Variants in ATP7B observed in about 807,000 individuals in gnomAD.
The protein encoded by ATP7B is copper-transporting ATPase 2.
Under a neutral mutation model 118.9 loss-of-function variants are expected in ATP7B, and 113 were observed. The observed-to-expected ratio is 0.95, with a 90% CI of 0.82 to 1.11. The LOEUF (loss-of-function observed/expected upper bound fraction) is 1.11, where lower values mean the gene tolerates loss of function less well. ATP7B is among the 50% of genes most tolerant of loss of function. ATP7B has a pLI of 0.00. For missense variants in ATP7B, 1,867 were observed against 1,871.4 expected, an observed-to-expected ratio of 1.00 and a Z score of 0.04; for synonymous variants, 777 against 727.4, an observed-to-expected ratio of 1.07 and a Z score of -1.10.
At chr13:51,995,369 T>C (rs138928979) in intron 1 of ATP7B, 2 of 984,566 alleles carry the variant, frequency 2.0e-6, no homozygotes, top group Non-Finnish European at 2.4e-6. Flanking sequence ...AAATTCTCCT[T>C]CCTCTGACGG....
At chr13:51,992,829 T>C (rs1267721810) in intron 1 of ATP7B, among the ~76,000 whole-genome samples, 1 of 151,372 alleles carries the variant, frequency 6.6e-6, no homozygotes, top group Non-Finnish European at 1.5e-5. Flanking sequence ...AACACAAAAA[T>C]TAGCTAGGTA....
chr13:51,944,283 A>G lies in ATP7B; in HGVS notation c.3069T>C (p.Thr1023=), dbSNP rs187343742. The G allele has an allele frequency of 4.0e-4, 638 of 1,613,958 alleles. No individual in the cohort carries two copies. The highest frequency in any genetic ancestry group is 5.1e-4 in the Non-Finnish European group (600 of 1,180,004). ...TGGTGCCAGTCTTGTCAAACATCAC[A>G]GTCTTTATCTGCCAAAAACAACCAC... The part of the protein sequence containing the change: ...KPLEMAHKIK[T]VMFDKTGTIT... The change falls in exon 14 of 21, where the codon ACT becomes ACC. Residue 1023 remains threonine (T), a synonymous_variant. Transcript: ENST00000242839.
In ATP7B at chr13:51,946,407, C is replaced by G. The variant is rs1263774209; in HGVS notation, c.2937G>C (p.Leu979=). The change falls in exon 13 of 21, where the codon CTG becomes CTC. Residue 979 remains leucine (L), a synonymous_variant. Coordinates refer to ENST00000242839, the MANE Select transcript of ATP7B (RefSeq NM_000053.4). The part of the protein sequence containing the change: ...RFAFQTSITV[L]CIACPCSLGL... ...CCAGGGAGCAGGGGCAGGCAATGCACAGCACCGTGATGGACGTCTGGAAAG... is the reference window on the plus strand; with the variant it reads ...CCAGGGAGCAGGGGCAGGCAATGCAGAGCACCGTGATGGACGTCTGGAAAG... The G allele has an allele frequency of 6.2e-7, 1 of 1,614,144 alleles. No homozygotes were observed. Among genetic ancestry groups the G allele is most frequent in the South Asian group, 1.1e-5 (1 of 91,064 alleles).
chr13:52,009,392 G>A (rs1953919770), intron 1 of ATP7B, among the ~76,000 whole-genome samples: 1 of 152,098 alleles, frequency 6.6e-6, no homozygotes, highest in Admixed American at 6.6e-5. Context: ...CTCCCTGAGG[G>A]CTGCTACCTG....
Position 51,950,298 on chromosome 13 carries a change from G to A in ATP7B, c.2549C>T (p.Thr850Ile), listed in dbSNP as rs777629392. ...TGTGATGAGGGACTCATCAGCCATGGTATTGCCTTCCAGGACTTTCCCATC... is the reference window on the plus strand; with the variant it reads ...TGTGATGAGGGACTCATCAGCCATGATATTGCCTTCCAGGACTTTCCCATC... ...PVDGKVLEGNTMADESLITGE... is the reference protein window; with the variant it reads ...PVDGKVLEGNIMADESLITGE... The change falls in exon 10 of 21, where the codon ACC (threonine) becomes ATC (isoleucine). Residue 850 changes from threonine to isoleucine, a missense_variant. Thr to Ile is a moderately conservative substitution (Grantham distance 89). Transcript: ENST00000242839. 5 of 1,614,024 alleles carry A rather than the reference G, an allele frequency of 3.1e-6. No homozygotes were observed. In the East Asian group the frequency reaches 8.9e-5, roughly 29 times the overall value.
intron 17 of ATP7B, among the ~76,000 whole-genome samples, 153 bp from the exon 18 acceptor site, chr13:51,937,832 A>C (rs1458873959): frequency 6.6e-6 from 1 of 152,200 alleles, no homozygotes; most frequent in African/African-American, 2.4e-5. Context: ...TCACAGGGCC[A>C]GTTTATCCCT....
At chr13:51,963,483 C>T (rs1935143824) in intron 5 of ATP7B, among the ~76,000 whole-genome samples, 1 of 152,050 alleles carries the variant, frequency 6.6e-6, no homozygotes, top group Admixed American at 6.6e-5. Context: ...TGCCTGTAAT[C>T]CCACCACTTT....
intron 9 of ATP7B, among the ~76,000 whole-genome samples, chr13:51,956,621 G>A (rs1233846966): frequency 6.6e-6 from 1 of 152,178 alleles, no homozygotes; most frequent in African/African-American, 2.4e-5. Context: ...GGGAACTGGA[G>A]GGTTTCCATC....
rs963645460 is a variant in ATP7B at position 51,986,373 on chromosome 13, C to G, written c.52-11205G>C. On this transcript the variant is annotated intron_variant, in intron 1 of 20. Transcript: ENST00000242839. ...TCCAAAGTCTAAACTAGGAAGAAGT[C>G]GAATCCCTGAATAGACAAATAACAA... Among the ~76,000 whole-genome samples, 3 of 152,050 alleles carry G rather than the reference C, an allele frequency of 2.0e-5. 1 individual carries two copies. The highest frequency in any genetic ancestry group is 2.0e-4 in the Admixed American group (3 of 15,254).
Position 51,934,641 on chromosome 13 carries a change from G to C in ATP7B, c.*115C>G. Reference sequence around the variant, plus strand: ...GGGCAGGATGACTGGACATATCCAGGGAGCGGAAGTCCCCAAAGCTGGAGG... The same window carrying C: ...GGGCAGGATGACTGGACATATCCAGCGAGCGGAAGTCCCCAAAGCTGGAGG... On this transcript the variant is annotated 3_prime_UTR_variant, in exon 21 of 21. Coordinates refer to ENST00000242839, the MANE Select transcript of ATP7B (RefSeq NM_000053.4). 6 of 1,498,126 alleles carry C rather than the reference G, an allele frequency of 4.0e-6. No homozygotes were observed. Among genetic ancestry groups the C allele is most frequent in the Non-Finnish European group, 5.5e-6 (6 of 1,096,910 alleles). 92.8% of individuals were successfully genotyped at this position (1,498,126 alleles called of 1,614,324 possible).
chr13:51,974,433 T>C lies in ATP7B; in HGVS notation c.787A>G (p.Ile263Val). 1.9e-6 allele frequency: 3 copies of C among 1,614,054 alleles called. No individual in the cohort carries two copies. Among genetic ancestry groups the C allele is most frequent in the Non-Finnish European group, 1.7e-6 (2 of 1,180,028 alleles). The change falls in exon 2 of 21, where the codon ATA becomes GTA. Residue 263 changes from isoleucine (I) to valine (V), a missense_variant. Coordinates refer to ENST00000242839, the MANE Select transcript of ATP7B (RefSeq NM_000053.4). The stretch of plus-strand genomic sequence containing the variant: ...CAAGACTTACAATGCATTCCATCTA[T>C]TCTCAGTTGGAGGGTGACCACATGG... ...GSHVVTLQLR[I>V]DGMHCKSCVL...
intron 1 of ATP7B, among the ~76,000 whole-genome samples, chr13:51,998,010 C>T (rs1301122650): frequency 1.3e-5 from 2 of 152,170 alleles, no homozygotes; most frequent in African/African-American, 2.4e-5. Flanking sequence ...AGTCCAAACT[C>T]CTCTTTCTAG....
intron 9 of ATP7B, among the ~76,000 whole-genome samples, chr13:51,954,018 T>C (rs1490679181): frequency 1.3e-5 from 2 of 152,130 alleles, no homozygotes; most frequent in Non-Finnish European, 2.9e-5. Flanking sequence ...CATGTTTACA[T>C]CCCAGGGTGG....
chr13:51,943,484 T>C (rs1186651579), intron 14 of ATP7B, among the ~76,000 whole-genome samples: 1 of 152,224 alleles, frequency 6.6e-6, no homozygotes, highest in African/African-American at 2.4e-5. Flanking sequence ...CCTTTCTACA[T>C]TTACTGCTAA....
chr13:51,946,324 A>T lies in ATP7B; in HGVS notation c.3020T>A (p.Ile1007Asn). 1 of 1,604,322 alleles carries T rather than the reference A, an allele frequency of 6.2e-7. No individual in the cohort carries two copies. Among genetic ancestry groups the T allele is most frequent in the Non-Finnish European group, 8.5e-7 (1 of 1,175,986 alleles). ...CAGGGGCTTGCCTCCCTTGATGAGG[A>T]TGCCGTTCTGCGCGGCCACCCCGGT... ...VGTGVAAQNG[I>N]LIKGGKPLEM... The change falls in exon 13 of 21, where the codon ATC becomes AAC. Residue 1007 changes from isoleucine to asparagine, a missense_variant. Transcript: ENST00000242839.
chr13:52,011,939 C>A (rs1252361474), upstream of ATP7B: 4 of 299,816 alleles, frequency 1.3e-5, no homozygotes, highest in Non-Finnish European at 1.9e-5. Flanking sequence ...CTCTGCGCTG[C>A]CCCCTCCTCG....
intron 15 of ATP7B, 86 bp from the exon 16 acceptor site, chr13:51,941,310 T>G: frequency 6.6e-7 from 1 of 1,526,536 alleles, no homozygotes; most frequent in African/African-American, 1.4e-5. Flanking sequence ...CAGCAAAATA[T>G]CCTTTTAACC....
intron 1 of ATP7B, among the ~76,000 whole-genome samples, chr13:52,007,241 C>G (rs1953815908): frequency 6.6e-6 from 1 of 152,160 alleles, no homozygotes; most frequent in African/African-American, 2.4e-5. Context: ...ATTAAATAAT[C>G]ATACCAGGTG....
intron 3 of ATP7B, among the ~76,000 whole-genome samples, chr13:51,970,093 G>C (rs1566578411): frequency 6.6e-6 from 1 of 152,158 alleles, no homozygotes; most frequent in African/African-American, 2.4e-5. Context: ...CTGGTTTACA[G>C]GAACAACAAG....
Sources: allele counts gnomAD v4.1 joint callset (sites outside exome capture counted in the v4.1 genomes callset), GRCh38; gene constraint gnomAD v4.1.1; transcripts MANE v1.5; gene names NCBI Gene and HGNC (gene_info 2026-07-23, HGNC 2026-07-21).